The following MRAP variants were observed in gnomAD, a reference collection of about 807,000 sequenced individuals.
MRAP encodes melanocortin 2 receptor accessory protein, also known as melanocortin-2 receptor accessory protein.
Under a neutral mutation model 8.7 loss-of-function variants are expected in MRAP, and 8 were observed. The ratio of observed to expected loss-of-function variants is 0.92; its 90% CI spans 0.54 to 1.66. The LOEUF (loss-of-function observed/expected upper bound fraction) is 1.66, where lower values mean the gene tolerates loss of function less well. Ranked by LOEUF, MRAP falls within the 40% of genes most tolerant of loss-of-function variation. The pLI is 0.00. For missense variants in MRAP, 237 were observed against 217.1 expected, an observed-to-expected ratio of 1.09 and a Z score of -0.58; for synonymous variants, 95 against 95.5, an observed-to-expected ratio of 1.00 and a Z score of 0.03.
chr21:32,301,079 CATGAT>C lies in MRAP; in HGVS notation c.106+2005_106+2009del, dbSNP rs200823212. On this transcript the variant is annotated intron_variant, in intron 1 of 2. Transcript: ENST00000303645. ...TATCATATCATATATCCATATATAT[CATGAT>C]ATATCGTATATGATATCATATATCA... Among the ~76,000 whole-genome samples the C allele has an allele frequency of 2.7e-3, 403 of 150,706 alleles. 2 individuals are homozygous for C. Among genetic ancestry groups the C allele is most frequent in the East Asian group, 0.021 (108 of 5,132 alleles).
upstream of MRAP, among the ~76,000 whole-genome samples, chr21:32,296,895 C>T (rs1156521813): frequency 3.3e-5 from 5 of 152,100 alleles, 1 homozygote; most frequent in African/African-American, 1.2e-4. Flanking sequence ...CATTACTGGA[C>T]ACTACTGTAG....
intron 2 of MRAP, among the ~76,000 whole-genome samples, chr21:32,307,863 G>A (rs1156459284): frequency 6.6e-6 from 1 of 151,920 alleles, no homozygotes; most frequent in Non-Finnish European, 1.5e-5. Flanking sequence ...GATAGAACAA[G>A]ACCCTGTCTC....
chr21:32,300,295 C>T (rs191892832), intron 1 of MRAP, among the ~76,000 whole-genome samples: 5 of 152,308 alleles, frequency 3.3e-5, no homozygotes, highest in South Asian at 2.1e-4. Context: ...TTTGGGATTA[C>T]GTCGTATGTC....
At chr21:32,295,952 G>A (rs2032131999), upstream of MRAP, among the ~76,000 whole-genome samples, 1 of 152,158 alleles carries the variant, frequency 6.6e-6, no homozygotes, top group African/African-American at 2.4e-5. Context: ...CTCCAGCCTG[G>A]ACAACAGAGC....
intron 1 of MRAP, among the ~76,000 whole-genome samples, chr21:32,300,672 C>CA (rs1569026321): frequency 1.3e-4 from 19 of 145,556 alleles, no homozygotes; most frequent in African/African-American, 4.6e-4. Context: ...CGTCCTATGT[C>CA]GGATGTGTCA....
At chr21:32,300,047 G>A (rs558956545) in intron 1 of MRAP, among the ~76,000 whole-genome samples, 7 of 152,288 alleles carry the variant, frequency 4.6e-5, no homozygotes, top group South Asian at 2.1e-4. Flanking sequence ...TACCTATCCC[G>A]TAGGAAGTCT....
At chr21:32,304,521 G>A (rs138989034) in intron 1 of MRAP, among the ~76,000 whole-genome samples, 7 of 151,866 alleles carry the variant, frequency 4.6e-5, no homozygotes, top group Non-Finnish European at 7.4e-5. Flanking sequence ...AGGCTGAGGC[G>A]GGAGAACGAC....
intron 2 of MRAP, among the ~76,000 whole-genome samples, chr21:32,310,227 G>A (rs2032525003): frequency 1.3e-5 from 2 of 152,020 alleles, no homozygotes; most frequent in Non-Finnish European, 2.9e-5. Flanking sequence ...GCTTACTAAA[G>A]AAAATGCTCT....
At chr21:32,301,522 T>A (rs1265167508) in intron 1 of MRAP, among the ~76,000 whole-genome samples, 1 of 152,238 alleles carries the variant, frequency 6.6e-6, no homozygotes, top group Non-Finnish European at 1.5e-5. Flanking sequence ...CCTGAGGCCC[T>A]GCCTGAATTG....
chr21:32,298,050 T>C, upstream of MRAP, among the ~76,000 whole-genome samples: 1 of 152,196 alleles, frequency 6.6e-6, no homozygotes, highest in East Asian at 1.9e-4. Context: ...TTTGGCCTCC[T>C]AATTCTCAAA....
At chr21:32,293,251 C>T (rs2032082836) in intron 2 of MRAP, 1 of 151,996 alleles carries the variant, frequency 6.6e-6, no homozygotes, top group Non-Finnish European at 1.5e-5. Flanking sequence ...CTGGGGCCTC[C>T]AGAAGGAACC....
At chr21:32,314,262 G>A (rs545645991), downstream of MRAP, 9 of 371,236 alleles carry the variant, frequency 2.4e-5, no homozygotes, top group Admixed American at 2.7e-4. Context: ...TCAGCTCACT[G>A]TAGCCTCCAC....
chr21:32,306,762 C>CTG (rs764845237), intron 2 of MRAP, 23 bp downstream of exon 2: 1 of 1,579,596 alleles, frequency 6.3e-7, no homozygotes, highest in African/African-American at 1.3e-5. Flanking sequence ...GGGTGTGAGT[C>CTG]TGTGGGTCAC....
upstream of MRAP, among the ~76,000 whole-genome samples, chr21:32,297,823 C>T (rs922525207): frequency 1.3e-5 from 2 of 152,228 alleles, no homozygotes; most frequent in African/African-American, 2.4e-5. Flanking sequence ...ACAAGAGCCT[C>T]ATTCCTCCCC....
At chr21:32,303,961 C>T (rs2032344802) in intron 1 of MRAP, among the ~76,000 whole-genome samples, 1 of 152,158 alleles carries the variant, frequency 6.6e-6, no homozygotes, top group Non-Finnish European at 1.5e-5. Flanking sequence ...TTCTGTGAAA[C>T]CTGTCATCTT....
chr21:32,308,994 A>T (rs1601107800), intron 2 of MRAP, among the ~76,000 whole-genome samples: 1 of 152,146 alleles, frequency 6.6e-6, no homozygotes, highest in South Asian at 2.1e-4. Flanking sequence ...TCCCGTGAAG[A>T]GCCGTGGACT....
At chr21:32,295,839 G>A (rs1436168194), upstream of MRAP, among the ~76,000 whole-genome samples, 1 of 152,118 alleles carries the variant, frequency 6.6e-6, no homozygotes, top group African/African-American at 2.4e-5. Flanking sequence ...AGCCAGACGT[G>A]GTGGCACCTG....
upstream of MRAP, among the ~76,000 whole-genome samples, chr21:32,298,627 C>T (rs964723332): frequency 1.3e-5 from 2 of 152,162 alleles, no homozygotes; most frequent in Non-Finnish European, 2.9e-5. Flanking sequence ...TCTAAGGGGC[C>T]CTGGGCGACT....
intron 1 of MRAP, among the ~76,000 whole-genome samples, chr21:32,304,962 G>GT (rs1319327133): frequency 2.6e-4 from 26 of 100,396 alleles, no homozygotes; most frequent in South Asian, 1.0e-3. Flanking sequence ...TGTTTTTTTT[G>GT]TTGTTTTTTT....
Sources: gnomAD v4.1 joint callset for allele counts (sites outside exome capture counted in the v4.1 genomes callset) on GRCh38, gnomAD v4.1.1 for gene constraint, MANE v1.5 for transcripts, NCBI Gene and HGNC (gene_info 2026-07-23, HGNC 2026-07-21) for gene names.